CFAP70: variants seen among roughly 807,000 people sequenced by gnomAD.
CFAP70 encodes the protein cilia and flagella associated protein 70.
CFAP70 carries 81 observed loss-of-function variants against 137.6 expected under a neutral mutation model. The observed-to-expected ratio is 0.59, with a 90% confidence interval of 0.49 to 0.71. The LOEUF is 0.71. Ranked by LOEUF, CFAP70 falls within the 30% of genes least tolerant of loss-of-function variation. The pLI, the probability that CFAP70 is intolerant of heterozygous loss-of-function variation, is 0.00. For missense variants in CFAP70, 976 were observed against 1,226.7 expected (o/e 0.80, Z 3.05); for synonymous variants, 382 against 423.6 (o/e 0.90, Z 1.20).
chr10:73,344,028 T>C (rs1453685740), intron 5 of CFAP70, among the ~76,000 whole-genome samples: 1 of 151,728 alleles, frequency 6.6e-6, no homozygotes, highest in Non-Finnish European at 1.5e-5. Flanking sequence ...CTTGGCGCAA[T>C]CTTGGCTCAC....
intron 15 of CFAP70, chr10:73,294,566 G>A (rs2048399996): frequency 6.6e-6 from 1 of 152,194 alleles, no homozygotes; most frequent in African/African-American, 2.4e-5. Flanking sequence ...AGCTCTTGTG[G>A]CATTCAGTCT....
At chr10:73,341,420 T>C (rs1198587816) in exon 6 of CFAP70, 2 of 1,612,130 alleles carry the variant, frequency 1.2e-6, no homozygotes, top group Non-Finnish European at 1.7e-6. Flanking sequence ...TGAGTTCTCC[T>C]TCTTCTTCTT....
chr10:73,345,680 C>T (rs2132460786), intron 4 of CFAP70, among the ~76,000 whole-genome samples: 1 of 152,022 alleles, frequency 6.6e-6, no homozygotes, highest in African/African-American at 2.4e-5. Context: ...TGGTGCGCGC[C>T]TGTAGTCCCA....
intron 19 of CFAP70, among the ~76,000 whole-genome samples, chr10:73,284,776 ATATATATATATATATATATATATATAT>A (rs2047541193): frequency 2.1e-5 from 1 of 48,266 alleles, no homozygotes; most frequent in African/African-American, 9.9e-5. Flanking sequence ...ATATATATAT[ATATATATATATATATATATATATATAT>A]AAAAGTTGTT....
intron 15 of CFAP70, chr10:73,293,663 C>A: frequency 3.6e-6 from 1 of 276,554 alleles, no homozygotes; most frequent in Non-Finnish European, 6.8e-6. Flanking sequence ...TGCCTCAACC[C>A]TCAGGGCATT....
intron 23 of CFAP70, among the ~76,000 whole-genome samples, chr10:73,273,703 T>C (rs2046480381): frequency 1.3e-5 from 2 of 152,236 alleles, no homozygotes; most frequent in South Asian, 4.1e-4. Flanking sequence ...CTCAAGCCTA[T>C]GTGAGCTTTC....
intron 25 of CFAP70, among the ~76,000 whole-genome samples, chr10:73,268,360 A>G (rs1347303561): frequency 6.6e-6 from 1 of 152,158 alleles, no homozygotes; most frequent in East Asian, 1.9e-4. Context: ...GTATTTGTTG[A>G]ACCCCTCTTT....
chr10:73,292,472 T>C (rs980517780), intron 16 of CFAP70, among the ~76,000 whole-genome samples: 1 of 152,304 alleles, frequency 6.6e-6, no homozygotes, highest in East Asian at 1.9e-4. Context: ...ACATTTCATG[T>C]TCATGGATTG....
At chr10:73,282,903 G>T in intron 19 of CFAP70, among the ~76,000 whole-genome samples, 1 of 140,148 alleles carries the variant, frequency 7.1e-6, no homozygotes. Context: ...CCCAATCTCA[G>T]CTCACTGCAA....
intron 19 of CFAP70, among the ~76,000 whole-genome samples, chr10:73,283,679 CTTA>C (rs762872975): frequency 6.6e-6 from 1 of 152,126 alleles, no homozygotes; most frequent in Admixed American, 6.6e-5. Context: ...TTCATAAGCT[CTTA>C]TTGTTTATCC....
rs369712038 is a variant in CFAP70, at chr10:73,329,804, TG to T, written c.777+1372del. On this transcript the variant is annotated intron_variant, in intron 8 of 26. Transcript: ENST00000310715. ...TAACTTATGTCTAAATTCTCATTAA[TG>T]GTGGAGGTGTTTTAGCATAGTTGGC... Among the ~76,000 whole-genome samples, 426 of 152,326 alleles carry T rather than the reference TG, an allele frequency of 2.8e-3. 1 individual carries two copies. The highest frequency in any genetic ancestry group is 9.9e-3 in the African/African-American group (410 of 41,584).
chr10:73,344,224 A>G (rs1048446687), intron 5 of CFAP70, among the ~76,000 whole-genome samples: 1 of 152,188 alleles, frequency 6.6e-6, no homozygotes, highest in Non-Finnish European at 1.5e-5. Flanking sequence ...TCAGCCTCCC[A>G]AAGTGCTGGG....
rs533073768 is a variant in CFAP70, at chr10:73,275,249, G to A, written c.2673+197C>T. The A allele has an allele frequency of 1.8e-5, 7 of 392,412 alleles. No homozygotes were observed. Among genetic ancestry groups the A allele is most frequent in the South Asian group, 7.7e-5 (1 of 13,066 alleles). 24.3% of individuals were successfully genotyped at this position (392,412 alleles called of 1,614,324 possible). A position where few individuals can be genotyped will look rare whatever the true frequency, so the allele number is the denominator to read the frequency against. ...CTGCCTCGGCCTCCCAAAGTGCTGCGATTACAGTTGTGAGCCACCGCGCCC... is the reference window on the plus strand; with the variant it reads ...CTGCCTCGGCCTCCCAAAGTGCTGCAATTACAGTTGTGAGCCACCGCGCCC... On this transcript the variant is annotated intron_variant, in intron 22 of 26. Transcript: ENST00000310715. This position sits in a 1 kb window ranked among gnomAD's most constrained non-coding sequence, Gnocchi z 4.0.
chr10:73,275,291 C>CT lies in CFAP70; in HGVS notation c.2673+154dup, dbSNP rs2046628904. ...ACCGCGCCCAGCCAACTCATGATTACTTAAGAAAAGCAAATGGAAGGGTAT... is the reference window on the plus strand; with the variant it reads ...ACCGCGCCCAGCCAACTCATGATTACTTTAAGAAAAGCAAATGGAAGGGTAT... On this transcript the variant is annotated intron_variant, in intron 22 of 26. Transcript: ENST00000310715. This position sits in a 1 kb window ranked among gnomAD's most constrained non-coding sequence, Gnocchi z 4.0. 3 of 794,494 alleles carry CT rather than the reference C, an allele frequency of 3.8e-6. No individual in the cohort carries two copies. Among genetic ancestry groups the CT allele is most frequent in the Admixed American group, 7.3e-5 (2 of 27,488 alleles). 49.2% of individuals were successfully genotyped at this position (794,494 alleles called of 1,614,324 possible). A position where few individuals can be genotyped will look rare whatever the true frequency, so the allele number is the denominator to read the frequency against.
At chr10:73,323,333 G>GC (rs1317809650) in intron 8 of CFAP70, among the ~76,000 whole-genome samples, 1 of 130,354 alleles carries the variant, frequency 7.7e-6, no homozygotes, top group African/African-American at 2.8e-5. Context: ...GGCGGGGGCG[G>GC]GGGGGGGGCA....
At chr10:73,269,033 A>C (rs1265312821) in intron 25 of CFAP70, among the ~76,000 whole-genome samples, 1 of 152,122 alleles carries the variant, frequency 6.6e-6, no homozygotes, top group African/African-American at 2.4e-5. Flanking sequence ...TATTTACACT[A>C]AAGAGAAAAT....
At chr10:73,293,224 C>A (rs748890838) in intron 16 of CFAP70, 39 bp downstream of exon 17, 10 of 1,567,410 alleles carry the variant, frequency 6.4e-6, no homozygotes, top group Non-Finnish European at 8.6e-6. Context: ...CCATATTTCA[C>A]AAATAATAGT....
In CFAP70 at chr10:73,278,343, T is replaced by C. The variant is rs748560096; in HGVS notation, c.2240-6A>G. 7 of 1,602,482 alleles carry C rather than the reference T, an allele frequency of 4.4e-6. No homozygotes were observed. In the South Asian group the frequency reaches 4.5e-5, roughly 10 times the overall value. ...AGATAATGCAGCTCCTGGTCCTAAATAGATTACATTTTAATGAAAAATAAA... is the reference window on the plus strand; with the variant it reads ...AGATAATGCAGCTCCTGGTCCTAAACAGATTACATTTTAATGAAAAATAAA... On this transcript the variant is annotated splice_polypyrimidine_tract_variant and splice_region_variant and intron_variant, in intron 19 of 26. Transcript: ENST00000310715.
At chr10:73,283,545 G>A (rs566397351) in intron 19 of CFAP70, among the ~76,000 whole-genome samples, 1 of 152,196 alleles carries the variant, frequency 6.6e-6, no homozygotes, top group South Asian at 2.1e-4. Context: ...GAACTGGTAT[G>A]TCTTCTTGGT....
Sources: gnomAD v4.1 joint callset for allele counts (sites outside exome capture counted in the v4.1 genomes callset) on GRCh38, gnomAD v4.1.1 for gene constraint, Gnocchi (gnomAD v3.1) non-coding constraint, MANE v1.5 for transcripts, NCBI Gene and HGNC (gene_info 2026-07-23, HGNC 2026-07-21) for gene names.